CDON: variants seen among roughly 807,000 people sequenced by gnomAD.
The protein encoded by CDON is cell adhesion molecule-related/down-regulated by oncogenes.
A neutral mutation model predicts 120.9 loss-of-function variants in CDON; 73 were observed. The observed-to-expected ratio is 0.60, with a 90% CI of 0.50 to 0.73. CDON has a LOEUF of 0.73. Ranked by LOEUF, CDON falls within the 30% of genes least tolerant of loss-of-function variation. The pLI is 0.00. For missense variants in CDON, 1,470 were observed against 1,587.3 expected (o/e 0.93, Z 1.26); for synonymous variants, 566 against 573.5 (o/e 0.99, Z 0.19).
chr11:125,960,647 T>TCTTGC lies in CDON; in HGVS notation c.*294_*295insGCAAG. On this transcript the variant is annotated 3_prime_UTR_variant, in exon 20 of 20. Transcript: ENST00000531738. ...TTGCATGAGGAGCTCTTGCTGTCACTATAGCTGTTAGAAAACATGGAAGGA... is the reference window on the plus strand; with the variant it reads ...TTGCATGAGGAGCTCTTGCTGTCACTCTTGCATAGCTGTTAGAAAACATGGAAGGA... 2.4e-6 allele frequency: 1 copy of TCTTGC among 416,258 alleles called. No individual in the cohort carries two copies. Among genetic ancestry groups the TCTTGC allele is most frequent in the Non-Finnish European group, 4.4e-6 (1 of 224,916 alleles). 25.8% of individuals were successfully genotyped at this position (416,258 alleles called of 1,614,324 possible).
chr11:126,032,455 A>C (rs1337820680), intron 1 of CDON, among the ~76,000 whole-genome samples: 2 of 152,148 alleles, frequency 1.3e-5, no homozygotes, highest in Non-Finnish European at 2.9e-5. Flanking sequence ...AGCAGAAACA[A>C]GAGTGTAAAG....
chr11:126,051,799 C>T (rs1565557436), intron 1 of CDON, among the ~76,000 whole-genome samples: 1 of 151,848 alleles, frequency 6.6e-6, no homozygotes, highest in Admixed American at 6.6e-5. Context: ...AGGCACCCAC[C>T]ACCACGCCCA....
At chr11:125,992,641 C>A (rs1946664153) in intron 14 of CDON, among the ~76,000 whole-genome samples, 1 of 152,160 alleles carries the variant, frequency 6.6e-6, no homozygotes, top group Admixed American at 6.5e-5. Context: ...TTATTGAGCA[C>A]CTACTATGTG....
At chr11:126,045,570 TATAAG>T (rs1197875358) in intron 1 of CDON, among the ~76,000 whole-genome samples, 2 of 152,218 alleles carry the variant, frequency 1.3e-5, no homozygotes, top group South Asian at 2.1e-4. Flanking sequence ...GTTTTAGTTT[TATAAG>T]ATGTTTCCAT....
intron 10 of CDON, among the ~76,000 whole-genome samples, chr11:126,002,452 A>G (rs1203327412): frequency 6.6e-6 from 1 of 152,178 alleles, no homozygotes; most frequent in Non-Finnish European, 1.5e-5. Flanking sequence ...AAAAGCCACT[A>G]GTTGGTTTCT....
Position 125,981,102 on chromosome 11 carries a change from T to C in CDON, c.3223A>G (p.Asn1075Asp). The C allele has an allele frequency of 6.2e-7, 1 of 1,614,164 alleles. No homozygotes were observed. The highest frequency in any genetic ancestry group is 8.5e-7 in the Non-Finnish European group (1 of 1,180,002). Residue 1075 changes from asparagine (N) to aspartate (D), a missense_variant, in exon 17 of 20, where the codon AAC becomes GAC. Coordinates refer to ENST00000531738, the MANE Select transcript of CDON (RefSeq NM_001378964.1). The part of the protein sequence containing the change: ...LNGGLYSGHS[N>D]SLTRTHVDFE... The stretch of plus-strand genomic sequence containing the variant: ...TCCACGTGTGTCCTGGTTAGAGAGT[T>C]GCTGTGCCCGGAGTAAAGCCCTCCA...
intron 1 of CDON, among the ~76,000 whole-genome samples, chr11:126,024,460 T>C (rs1002197698): frequency 1.3e-5 from 2 of 152,182 alleles, no homozygotes; most frequent in Admixed American, 6.5e-5. Context: ...ACAGGACATG[T>C]CAAAGGCTTG....
At chr11:125,963,010 AT>A (rs1024064556) in intron 18 of CDON, among the ~76,000 whole-genome samples, 2 of 151,800 alleles carry the variant, frequency 1.3e-5, no homozygotes, top group Non-Finnish European at 2.9e-5. Context: ...ATATATAATA[AT>A]TTTTTTTAAA....
chr11:126,050,832 C>G (rs1948541134), intron 1 of CDON, among the ~76,000 whole-genome samples: 1 of 152,124 alleles, frequency 6.6e-6, no homozygotes, highest in Non-Finnish European at 1.5e-5. Context: ...CACACACAGA[C>G]AAGGACCTGG....
Position 125,997,310 on chromosome 11 carries a change from G to A in CDON, c.2259C>T (p.Ala753=). Residue 753 remains alanine, a synonymous_variant, in exon 12 of 20, where the codon GCC becomes GCT. Coordinates refer to ENST00000531738, the MANE Select transcript of CDON (RefSeq NM_001378964.1). ...PRANGGSPIT[A]FKVEYKRMRT... ...TCATCCGTTTATATTCGACTTTGAA[G>A]GCAGTGATTGGAGAACCCCCGTTTG... 1 of 1,613,968 alleles carries A rather than the reference G, an allele frequency of 6.2e-7. No individual in the cohort carries two copies. Among genetic ancestry groups the A allele is most frequent in the Non-Finnish European group, 8.5e-7 (1 of 1,179,892 alleles).
chr11:125,966,841 G>A (rs1358808274), intron 18 of CDON, among the ~76,000 whole-genome samples: 1 of 151,710 alleles, frequency 6.6e-6, no homozygotes, highest in Non-Finnish European at 1.5e-5. Context: ...CAGAAAGACA[G>A]TAACTGCCAA....
chr11:126,032,734 C>T (rs887999544), intron 1 of CDON, among the ~76,000 whole-genome samples: 4 of 152,118 alleles, frequency 2.6e-5, no homozygotes, highest in Non-Finnish European at 5.9e-5. Flanking sequence ...AGGCCAGGAG[C>T]GGTGGCATAC....
chr11:125,983,330 C>CAA (rs532950287), intron 16 of CDON, among the ~76,000 whole-genome samples: 46 of 152,306 alleles, frequency 3.0e-4, no homozygotes, highest in Admixed American at 2.0e-3. Context: ...CATCGATGTT[C>CAA]AAGCACACGT....
chr11:126,035,813 A>T (rs1291757787), intron 1 of CDON, among the ~76,000 whole-genome samples: 1 of 152,188 alleles, frequency 6.6e-6, no homozygotes, highest in African/African-American at 2.4e-5. Context: ...AATTAGGATC[A>T]CAATATCTTT....
At position 125,981,361 on chromosome 11, in the gene CDON, C is replaced by T. The variant is rs201384271; in HGVS notation, c.2996-32G>A. On this transcript the variant is annotated intron_variant, in intron 16 of 19. Coordinates refer to ENST00000531738, the MANE Select transcript of CDON (RefSeq NM_001378964.1). ...AAAGAGAACAAAAAAGACACACACGCACACACACACACGCACGCACACATG... is the reference window on the plus strand; with the variant it reads ...AAAGAGAACAAAAAAGACACACACGTACACACACACACGCACGCACACATG... 89 of 1,324,248 alleles carry T rather than the reference C, an allele frequency of 6.7e-5. No homozygotes were observed. In the Admixed American group the frequency reaches 9.1e-4, roughly 13 times the overall value. The allele number at this position is 1,324,248 out of a possible 1,614,324, so 82.0% of individuals were successfully genotyped here.
In CDON at chr11:126,020,752, AC is replaced by A. The variant is rs1947610917; in HGVS notation, c.349+495del. The stretch of plus-strand genomic sequence containing the variant: ...ACTCAACATTCCTTTCTTTACAGTT[AC>A]TTTTTTCCTGCTTTTTAACCATGGC... On this transcript the variant is annotated intron_variant, in intron 3 of 19. Transcript: ENST00000531738. Among the ~76,000 whole-genome samples the A allele has an allele frequency of 2.0e-5, 3 of 152,326 alleles. No homozygotes were observed. In the South Asian group the frequency reaches 6.2e-4, roughly 32 times the overall value.
chr11:125,978,926 C>A (rs985625066), intron 17 of CDON, among the ~76,000 whole-genome samples: 23 of 152,190 alleles, frequency 1.5e-4, no homozygotes, highest in Non-Finnish European at 3.1e-4. Flanking sequence ...TGGAGTAGAT[C>A]TTCAGCCAGC....
intron 12 of CDON, among the ~76,000 whole-genome samples, chr11:125,996,635 G>A (rs890185248): frequency 6.7e-6 from 1 of 148,296 alleles, no homozygotes; most frequent in East Asian, 2.0e-4. Flanking sequence ...GGGAGGTGGA[G>A]GTTGCAGTGA....
chr11:126,027,030 T>C (rs1947809718), intron 1 of CDON, among the ~76,000 whole-genome samples: 1 of 152,320 alleles, frequency 6.6e-6, no homozygotes, highest in East Asian at 1.9e-4. Flanking sequence ...TACCTAAATA[T>C]TATCACACAG....
Sources: gnomAD v4.1 joint callset for allele counts (sites outside exome capture counted in the v4.1 genomes callset) on GRCh38, gnomAD v4.1.1 for gene constraint, MANE v1.5 for transcripts, NCBI Gene and HGNC (gene_info 2026-07-23, HGNC 2026-07-21) for gene names.